The following MAPKAP1 variants were observed in gnomAD, a reference collection of about 807,000 sequenced individuals.
The protein encoded by MAPKAP1 is target of rapamycin complex 2 subunit MAPKAP1.
Under a neutral mutation model 65.7 loss-of-function variants are expected in MAPKAP1, and 20 were observed. The observed-to-expected ratio is 0.30, with a 90% CI of 0.21 to 0.44. The LOEUF (loss-of-function observed/expected upper bound fraction) is 0.44, where lower values mean the gene tolerates loss of function less well. Among genes scored for constraint, MAPKAP1 ranks in the 20% least tolerant of loss-of-function variants. The probability of loss-of-function intolerance (pLI) is 1.00; values close to 1 mark genes in which losing one functional copy is unlikely to be tolerated. For synonymous variants in MAPKAP1, 222 were observed against 244.3 expected, an observed-to-expected ratio of 0.91 and a Z score of 0.85; for missense variants, 423 against 648.0, an observed-to-expected ratio of 0.65 and a Z score of 3.77.
chr9:125,651,090 C>A (rs1385277084), intron 4 of MAPKAP1, among the ~76,000 whole-genome samples: 1 of 152,120 alleles, frequency 6.6e-6, no homozygotes, highest in Non-Finnish European at 1.5e-5. Flanking sequence ...CCTCAGCCTC[C>A]CAACATGCTG....
At chr9:125,457,822 C>T in intron 10 of MAPKAP1, among the ~76,000 whole-genome samples, 1 of 152,240 alleles carries the variant, frequency 6.6e-6, no homozygotes, top group East Asian at 1.9e-4. Context: ...CCAGTAGTTG[C>T]TTGCCCAGCC....
At chr9:125,662,324 G>A (rs187667408) in intron 3 of MAPKAP1, among the ~76,000 whole-genome samples, 244 of 152,284 alleles carry the variant, frequency 1.6e-3, no homozygotes, top group South Asian at 3.5e-3. Context: ...TGAGGTTGTA[G>A]TGAGCCATGT....
chr9:125,508,414 C>G (rs900194255), intron 7 of MAPKAP1, among the ~76,000 whole-genome samples: 2 of 152,332 alleles, frequency 1.3e-5, no homozygotes, highest in African/African-American at 2.4e-5. Flanking sequence ...ACCTGGAGGG[C>G]TGCTTTCTAA....
chr9:125,538,211 T>G (rs1233987383), intron 7 of MAPKAP1, among the ~76,000 whole-genome samples: 1 of 152,168 alleles, frequency 6.6e-6, no homozygotes, highest in African/African-American at 2.4e-5. Context: ...TCTCTTTGGT[T>G]GCTGTGTAAA....
rs376259443 is a variant in MAPKAP1, at chr9:125,588,022, T to C, written c.499-2295A>G. Among the ~76,000 whole-genome samples, 21 of 152,232 alleles carry C rather than the reference T, an allele frequency of 1.4e-4. No homozygotes were observed. In the East Asian group the frequency reaches 1.7e-3, roughly 13 times the overall value. ...AAAATGTTCGGCAGTTTCTCAAAAATGAAACACAGAATTACCATATGACCA... is the reference window on the plus strand; with the variant it reads ...AAAATGTTCGGCAGTTTCTCAAAAACGAAACACAGAATTACCATATGACCA... On this transcript the variant is annotated intron_variant, in intron 4 of 11. Transcript: ENST00000265960.
At chr9:125,455,945 T>C (rs1853146261) in intron 10 of MAPKAP1, among the ~76,000 whole-genome samples, 1 of 152,246 alleles carries the variant, frequency 6.6e-6, no homozygotes, top group Non-Finnish European at 1.5e-5. Flanking sequence ...GGCGACAAAT[T>C]ATTTCATTTT....
intron 4 of MAPKAP1, among the ~76,000 whole-genome samples, chr9:125,639,382 T>C (rs1212972864): frequency 1.3e-5 from 2 of 152,200 alleles, no homozygotes; most frequent in African/African-American, 4.8e-5. Flanking sequence ...CCTTCACCTC[T>C]CACTGCGGGG....
At chr9:125,680,991 T>C (rs1490211974) in intron 1 of MAPKAP1, among the ~76,000 whole-genome samples, 1 of 152,250 alleles carries the variant, frequency 6.6e-6, no homozygotes, top group Admixed American at 6.5e-5. Flanking sequence ...CCATGAGATG[T>C]ACTAATCACT....
At position 125,439,146 on chromosome 9, in the gene MAPKAP1, T is replaced by TC. The variant is rs1852390052; in HGVS notation, c.1444-135dup. The stretch of plus-strand genomic sequence containing the variant: ...GCCAGGTGCTGTCGTGTGGAAGGAG[T>TC]CCAGTCATCACAGCAACCTGGCAGC... On this transcript the variant is annotated intron_variant, in intron 11 of 11. Coordinates refer to ENST00000265960, the MANE Select transcript of MAPKAP1 (RefSeq NM_001006617.3). The surrounding 1 kb of genome is among the most constrained non-coding windows in gnomAD (Gnocchi z 4.0). The TC allele has an allele frequency of 1.1e-6, 1 of 940,142 alleles. No individual in the cohort carries two copies. The allele number at this position is 940,142 out of a possible 1,614,324, so 58.2% of individuals were successfully genotyped here.
chr9:125,699,367 C>T (rs1190118502), intron 1 of MAPKAP1, among the ~76,000 whole-genome samples: 1 of 151,996 alleles, frequency 6.6e-6, no homozygotes, highest in Admixed American at 6.6e-5. Context: ...CACCACCACA[C>T]CAAGCTAATT....
chr9:125,559,079 G>A (rs1035240236), intron 6 of MAPKAP1: 1 of 152,150 alleles, frequency 6.6e-6, no homozygotes, highest in African/African-American at 2.4e-5. Context: ...TCATGAATTT[G>A]TTCAATAATC....
intron 6 of MAPKAP1, among the ~76,000 whole-genome samples, chr9:125,558,566 C>G (rs989572927): frequency 5.9e-5 from 9 of 152,134 alleles, no homozygotes; most frequent in Admixed American, 2.0e-4. Flanking sequence ...TTGAGAGAGA[C>G]AGGGAAATGT....
intron 9 of MAPKAP1, among the ~76,000 whole-genome samples, chr9:125,469,148 T>C (rs1853800945): frequency 6.6e-6 from 1 of 152,108 alleles, no homozygotes; most frequent in Non-Finnish European, 1.5e-5. Flanking sequence ...TTTTAGGCCA[T>C]AGTTTAAAGG....
chr9:125,629,262 C>G (rs1475906409), intron 4 of MAPKAP1, among the ~76,000 whole-genome samples: 1 of 152,166 alleles, frequency 6.6e-6, no homozygotes, highest in Non-Finnish European at 1.5e-5. Flanking sequence ...CGCAAAAGAA[C>G]TGAAAACAGA....
intron 1 of MAPKAP1, among the ~76,000 whole-genome samples, chr9:125,690,387 G>C (rs977352083): frequency 5.3e-5 from 8 of 152,232 alleles, no homozygotes; most frequent in Non-Finnish European, 1.2e-4. Flanking sequence ...GGAAGCCAAG[G>C]GAATGGCAGA....
rs78932004 is a variant in MAPKAP1, at chr9:125,681,256, A to C, written c.-69-8613T>G. Among the ~76,000 whole-genome samples the C allele has an allele frequency of 4.1e-3, 623 of 152,262 alleles. 6 individuals carry two copies. The highest frequency in any genetic ancestry group is 0.014 in the African/African-American group (597 of 41,548). Reference sequence around the variant, plus strand: ...TTGACCAACAGAATATAGGGGAAGGAATGTTGTGGAAATTCTGAACCTTGG... The same window carrying C: ...TTGACCAACAGAATATAGGGGAAGGCATGTTGTGGAAATTCTGAACCTTGG... On this transcript the variant is annotated intron_variant, in intron 1 of 11. Transcript: ENST00000265960.
At chr9:125,624,487 G>A (rs1589356614) in intron 4 of MAPKAP1, among the ~76,000 whole-genome samples, 1 of 98,280 alleles carries the variant, frequency 1.0e-5, no homozygotes, top group Non-Finnish European at 2.3e-5. Flanking sequence ...GGTAAGGGGC[G>A]CCTCTGCCCG....
At chr9:125,666,737 T>C (rs1229645661) in intron 3 of MAPKAP1, among the ~76,000 whole-genome samples, 1 of 152,118 alleles carries the variant, frequency 6.6e-6, no homozygotes, top group Non-Finnish European at 1.5e-5. Context: ...GGGAGATGTA[T>C]AAAAAAAGGA....
intron 1 of MAPKAP1, among the ~76,000 whole-genome samples, chr9:125,698,287 AAATATATATAT>A (rs1373862897): frequency 0.01 from 278 of 27,098 alleles, 6 homozygotes; most frequent in African/African-American, 0.039. Flanking sequence ...TAATATATAT[AAATATATATAT>A]ATATATATAT....
Sources: allele counts gnomAD v4.1 joint callset (sites outside exome capture counted in the v4.1 genomes callset), GRCh38; gene constraint gnomAD v4.1.1; non-coding constraint Gnocchi (gnomAD v3.1); transcripts MANE v1.5; gene names NCBI Gene and HGNC (gene_info 2026-07-23, HGNC 2026-07-21).